The following CD302 variants were observed in gnomAD, a reference collection of about 807,000 sequenced individuals.
CD302 encodes CD302 antigen.
CD302 carries 23 observed loss-of-function variants against 26.5 expected under a neutral mutation model. The observed-to-expected ratio is 0.87, with a 90% confidence interval of 0.62 to 1.23. The LOEUF (loss-of-function observed/expected upper bound fraction) is 1.23. Ranked by LOEUF, CD302 falls within the 50% of genes most tolerant of loss-of-function variation. CD302 has a pLI of 0.00. For synonymous variants in CD302, 90 were observed against 99.4 expected, an observed-to-expected ratio of 0.91 and a Z score of 0.56; for missense variants, 290 against 275.5, an observed-to-expected ratio of 1.05 and a Z score of -0.37.
chr2:159,783,136 A>G (rs996979469), intron 2 of CD302, among the ~76,000 whole-genome samples: 3 of 152,214 alleles, frequency 2.0e-5, no homozygotes, highest in Non-Finnish European at 2.9e-5. Flanking sequence ...TGTTAAATAG[A>G]CCCTGCTTTG....
chr2:159,790,918 T>A (rs868092337), intron 1 of CD302, among the ~76,000 whole-genome samples: 30 of 152,332 alleles, frequency 2.0e-4, no homozygotes, highest in African/African-American at 6.7e-4. Flanking sequence ...CACAAAAATA[T>A]AATCAACACT....
Position 159,775,971 on chromosome 2 carries a change from A to G in CD302, c.496+1967T>C, listed in dbSNP as rs983015951. Among the ~76,000 whole-genome samples, 8 of 134,218 alleles carry G rather than the reference A, an allele frequency of 6.0e-5. No homozygotes were observed. In the East Asian group the frequency reaches 1.8e-3, roughly 31 times the overall value. 88.1% of individuals were successfully genotyped at this position (134,218 alleles called of 152,430 possible). A position where few individuals can be genotyped will look rare whatever the true frequency, so the allele number is the denominator to read the frequency against. ...TCTCGCCCAGGCTGGAGTGCAGTGG[A>G]GTGATCCCGGCTCACTGCAGCCTCT... On this transcript the variant is annotated intron_variant, in intron 5 of 5. Transcript: ENST00000259053.
intron 4 of CD302, among the ~76,000 whole-genome samples, chr2:159,779,629 AT>A (rs34988997): frequency 0.35 from 52,218 of 148,182 alleles, 9,190 homozygotes; most frequent in South Asian, 0.45. Flanking sequence ...TATTCCCTCT[AT>A]TTTTTTTTTT....
chr2:159,773,521 A>G (rs943109857), intron 5 of CD302, among the ~76,000 whole-genome samples: 2 of 152,246 alleles, frequency 1.3e-5, no homozygotes. Flanking sequence ...TACAGACTCA[A>G]TCATAATAGC....
chr2:159,782,442 CA>C (rs1414998656), intron 2 of CD302, among the ~76,000 whole-genome samples: 1 of 110,812 alleles, frequency 9.0e-6, no homozygotes, highest in Non-Finnish European at 1.9e-5. Flanking sequence ...AAAAAAAAGA[CA>C]TTTTTTTGGC....
chr2:159,798,014 CCGG>C, intron 1 of CD302, 115 bp downstream of exon 1: 1 of 986,928 alleles, frequency 1.0e-6, no homozygotes, highest in Non-Finnish European at 1.4e-6. Context: ...GGCGGGATGG[CCGG>C]CCGGGTGTTG....
Position 159,772,069 on chromosome 2 carries a change from C to T in CD302, c.497-16G>A. The T allele has an allele frequency of 1.2e-6, 2 of 1,612,576 alleles. No homozygotes were observed. Among genetic ancestry groups the T allele is most frequent in the Non-Finnish European group, 1.7e-6 (2 of 1,179,178 alleles). On this transcript the variant is annotated splice_polypyrimidine_tract_variant and intron_variant, in intron 5 of 5. Transcript: ENST00000259053. ...ATGTGGTTATCTGAAAAGGAAAAGA[C>T]AAAAGAGTATTTGGGAAATTAGGGT...
In CD302 at chr2:159,798,108, G is replaced by A. The variant is rs368187159; in HGVS notation, c.67+24C>T. On this transcript the variant is annotated intron_variant, in intron 1 of 5. Transcript: ENST00000259053. ...GCGAAGGCGGTCGCGCACGGTCCCG[G>A]CGAGGGACTACGTAAGGGCTTACCC... is the stretch of plus-strand genomic sequence containing the variant. The A allele has an allele frequency of 4.3e-5, 65 of 1,495,440 alleles. No individual in the cohort carries two copies. In the African/African-American group the frequency reaches 8.7e-4, roughly 20 times the overall value. The allele number at this position is 1,495,440 out of a possible 1,614,324, so 92.6% of individuals were successfully genotyped here.
chr2:159,772,074 G>A (rs1574482403), intron 5 of CD302, 21 bp from the exon 6 acceptor site: 1 of 1,611,154 alleles, frequency 6.2e-7, no homozygotes, highest in Non-Finnish European at 8.5e-7. Context: ...AAAGACAAAA[G>A]AGTATTTGGG....
At chr2:159,774,538 A>G (rs1386452291) in intron 5 of CD302, among the ~76,000 whole-genome samples, 1 of 152,216 alleles carries the variant, frequency 6.6e-6, no homozygotes, top group Non-Finnish European at 1.5e-5. Flanking sequence ...ATTCTGAGGC[A>G]CAGGGTTTAA....
intron 5 of CD302, among the ~76,000 whole-genome samples, chr2:159,774,630 C>CT (rs1337449174): frequency 6.6e-6 from 1 of 152,194 alleles, no homozygotes; most frequent in African/African-American, 2.4e-5. Flanking sequence ...CTCAGATAAC[C>CT]TGTCCTCTGT....
intron 1 of CD302, among the ~76,000 whole-genome samples, chr2:159,794,174 A>G (rs1002120147): frequency 2.6e-5 from 4 of 151,562 alleles, no homozygotes; most frequent in African/African-American, 7.3e-5. Context: ...CTGAGGTGGG[A>G]GGATCACTTG....
intron 5 of CD302, 130 bp downstream of exon 5, chr2:159,777,808 C>A (rs1207726026): frequency 9.2e-6 from 4 of 433,964 alleles, no homozygotes; most frequent in Non-Finnish European, 1.6e-5. Context: ...GACCTTTCTA[C>A]ATTCTTATAA....
intron 4 of CD302, among the ~76,000 whole-genome samples, chr2:159,778,429 T>TA (rs1708404489): frequency 6.6e-6 from 1 of 152,206 alleles, no homozygotes; most frequent in Non-Finnish European, 1.5e-5. Context: ...ACCAATTTTT[T>TA]AAAAAACAAA....
At chr2:159,773,688 A>G (rs1708223864) in intron 5 of CD302, among the ~76,000 whole-genome samples, 1 of 152,172 alleles carries the variant, frequency 6.6e-6, no homozygotes, top group Non-Finnish European at 1.5e-5. Context: ...AATGTGTGAC[A>G]AAGTCAATTG....
At chr2:159,777,731 G>A (rs1708379703) in intron 5 of CD302, among the ~76,000 whole-genome samples, 1 of 152,060 alleles carries the variant, frequency 6.6e-6, no homozygotes, top group East Asian at 1.9e-4. Flanking sequence ...ATATTCCCGA[G>A]TAAAAGAAGC....
rs1189893936 is a variant in CD302 at position 159,769,630 on chromosome 2, A to T, written c.*2221T>A. 7.9e-6 allele frequency: 1 copy of T among 126,744 alleles called. No individual in the cohort carries two copies. Among genetic ancestry groups the T allele is most frequent in the East Asian group, 2.2e-4 (1 of 4,646 alleles). 7.9% of individuals were successfully genotyped at this position (126,744 alleles called of 1,614,324 possible). On this transcript the variant is annotated 3_prime_UTR_variant, in exon 6 of 6. Coordinates refer to ENST00000259053, the MANE Select transcript of CD302 (RefSeq NM_014880.5). ...CACTGCACTGTAGCCTGGGCAGCACAGTGAGACTCCATCATATATATATAT... is the reference window on the plus strand; with the variant it reads ...CACTGCACTGTAGCCTGGGCAGCACTGTGAGACTCCATCATATATATATAT...
At chr2:159,772,890 A>G (rs536603001) in intron 5 of CD302, among the ~76,000 whole-genome samples, 9 of 152,286 alleles carry the variant, frequency 5.9e-5, no homozygotes, top group African/African-American at 2.2e-4. Context: ...ATACTTTTCA[A>G]ATATTGACAG....
In CD302 at chr2:159,798,202, G is replaced by A. The variant is rs948707919; in HGVS notation, c.-4C>T. On this transcript the variant is annotated 5_prime_UTR_variant, in exon 1 of 6. Transcript: ENST00000259053. ...CGGGCAGCGCGGCCCGGAGCATGAC[G>A]GCGGGTGCGGGTGGGCGGCAGCGGC... 2.0e-5 allele frequency: 28 copies of A among 1,433,676 alleles called. No individual in the cohort carries two copies. In the African/African-American group the frequency reaches 4.2e-4, roughly 21 times the overall value. 88.8% of individuals were successfully genotyped at this position (1,433,676 alleles called of 1,614,324 possible). A position where few individuals can be genotyped will look rare whatever the true frequency, so the allele number is the denominator to read the frequency against.
Sources: gnomAD v4.1 joint callset for allele counts (sites outside exome capture counted in the v4.1 genomes callset) on GRCh38, gnomAD v4.1.1 for gene constraint, MANE v1.5 for transcripts, NCBI Gene and HGNC (gene_info 2026-07-23, HGNC 2026-07-21) for gene names.